NTSR1: variants seen among roughly 807,000 people sequenced by gnomAD.
NTSR1 encodes the protein neurotensin receptor type 1.
A neutral mutation model predicts 31.2 loss-of-function variants in NTSR1; 29 were observed. The ratio of observed to expected loss-of-function variants is 0.93; its 90% confidence interval spans 0.69 to 1.27. NTSR1 has a LOEUF of 1.27. Among genes scored for constraint, NTSR1 ranks in the 50% most tolerant of loss-of-function variants. The pLI is 0.00. For synonymous variants in NTSR1, 282 were observed against 269.9 expected (o/e 1.04, Z -0.44); for missense variants, 697 against 595.4 (o/e 1.17, Z -1.78).
rs567269921 is a variant in NTSR1 at position 62,744,784 on chromosome 20, G to A, written c.715-9901G>A. Among the ~76,000 whole-genome samples the A allele has an allele frequency of 6.6e-5, 10 of 151,396 alleles. No homozygotes were observed. In the South Asian group the frequency reaches 2.1e-3, roughly 32 times the overall value. On this transcript the variant is annotated intron_variant, in intron 1 of 3. Coordinates refer to ENST00000370501, the MANE Select transcript of NTSR1 (RefSeq NM_002531.3). The surrounding 1 kb of genome is among the most constrained non-coding windows in gnomAD (Gnocchi z 4.1). ...CCCAGGAGGACCTGCCGAGCTCACA[G>A]CTGGCCAGGGAACAAGCCAGGCCCC...
intron 1 of NTSR1, among the ~76,000 whole-genome samples, chr20:62,728,743 G>A (rs969366062): frequency 2.0e-5 from 3 of 152,122 alleles, no homozygotes; most frequent in East Asian, 1.9e-4. Context: ...CAGGTTTCAC[G>A]GCAGCCACTT....
intron 1 of NTSR1, among the ~76,000 whole-genome samples, chr20:62,716,457 A>C (rs1988721491): frequency 1.2e-5 from 1 of 85,966 alleles, no homozygotes; most frequent in Non-Finnish European, 2.6e-5. Flanking sequence ...CTCTGGGGTG[A>C]CGGAAATGTT....
Position 62,758,343 on chromosome 20 carries a change from G to A in NTSR1, c.994G>A (p.Glu332Lys), listed in dbSNP as rs753277036. ...RRLMFCYISD[E>K]QWTPFLYDFY... ...CCTCATGTTCTGCTACATCTCGGAT[G>A]AGCAGTGGACTCCGTGAGTACCGGG... Residue 332 changes from glutamate (E) to lysine (K), a missense_variant, in exon 3 of 4, where the codon GAG becomes AAG. Physicochemically the swap from Glu to Lys is moderately conservative, Grantham distance 56. Coordinates refer to ENST00000370501, the MANE Select transcript of NTSR1 (RefSeq NM_002531.3). The surrounding 1 kb of genome is among the most constrained non-coding windows in gnomAD (Gnocchi z 4.5). 2.9e-5 allele frequency: 47 copies of A among 1,613,340 alleles called. No individual in the cohort carries two copies. Among genetic ancestry groups the A allele is most frequent in the Non-Finnish European group, 3.7e-5 (44 of 1,179,714 alleles).
intron 1 of NTSR1, among the ~76,000 whole-genome samples, chr20:62,725,852 A>T (rs1210974745): frequency 2.0e-5 from 3 of 151,838 alleles, no homozygotes; most frequent in Non-Finnish European, 2.9e-5. Context: ...AGGGAGGAGG[A>T]GGGAGGCTAG....
In NTSR1 at chr20:62,727,944, C is replaced by T. The variant is rs575432344; in HGVS notation, c.714+18023C>T. On this transcript the variant is annotated intron_variant, in intron 1 of 3. Coordinates refer to ENST00000370501, the MANE Select transcript of NTSR1 (RefSeq NM_002531.3). ...CCAGCACCTGGGGCCTGCACTCACT[C>T]ACCTCCTGTCACAGCAGATGGTGCT... is the stretch of plus-strand genomic sequence containing the variant. Among the ~76,000 whole-genome samples the T allele has an allele frequency of 3.3e-5, 5 of 152,372 alleles. No homozygotes were observed. In the East Asian group the frequency reaches 9.6e-4, roughly 29 times the overall value.
At chr20:62,710,554 C>A (rs887391589) in intron 1 of NTSR1, among the ~76,000 whole-genome samples, 4 of 152,006 alleles carry the variant, frequency 2.6e-5, no homozygotes, top group African/African-American at 9.7e-5. Flanking sequence ...ATGGTGGGGA[C>A]GATGTTTCTG....
chr20:62,736,062 T>C (rs6122142), intron 1 of NTSR1, among the ~76,000 whole-genome samples: 66,569 of 152,226 alleles, frequency 0.44, 16,821 homozygotes, highest in South Asian at 0.66. Context: ...GAAATCAGTA[T>C]GTGGTGATCA....
chr20:62,720,281 CAG>C (rs1319702759), intron 1 of NTSR1, among the ~76,000 whole-genome samples: 1 of 152,182 alleles, frequency 6.6e-6, no homozygotes, highest in Non-Finnish European at 1.5e-5. Flanking sequence ...GCCTAGGTGA[CAG>C]AGCGAGACTC....
intron 1 of NTSR1, among the ~76,000 whole-genome samples, chr20:62,726,971 G>A (rs1292227046): frequency 2.0e-5 from 3 of 152,218 alleles, no homozygotes; most frequent in Non-Finnish European, 4.4e-5. Context: ...TCTGGAAACT[G>A]CTTTGTGGAC....
chr20:62,729,258 G>A (rs192309502), intron 1 of NTSR1, among the ~76,000 whole-genome samples: 1 of 152,232 alleles, frequency 6.6e-6, no homozygotes, highest in African/African-American at 2.4e-5. Context: ...AGGGCAGGGT[G>A]GGGAGAGAGT....
intron 1 of NTSR1, among the ~76,000 whole-genome samples, chr20:62,748,616 A>G (rs1989342249): frequency 6.6e-6 from 1 of 152,168 alleles, no homozygotes; most frequent in Non-Finnish European, 1.5e-5. Context: ...CAATAAACCC[A>G]CTTTCGTACA....
chr20:62,723,620 C>CA (rs1461000347), intron 1 of NTSR1, among the ~76,000 whole-genome samples: 2 of 152,182 alleles, frequency 1.3e-5, no homozygotes. Context: ...ATCCCTGGTC[C>CA]AGGGCTCACC....
At position 62,715,738 on chromosome 20, in the gene NTSR1, G is replaced by A. The variant is rs1243668533; in HGVS notation, c.714+5817G>A. ...TGCCTGCAGTTCTGTGGGTACTGAGGGCAGCAAGGGGGTACAGCCACCCTG... is the reference window on the plus strand; with the variant it reads ...TGCCTGCAGTTCTGTGGGTACTGAGAGCAGCAAGGGGGTACAGCCACCCTG... On this transcript the variant is annotated intron_variant, in intron 1 of 3. Coordinates refer to ENST00000370501, the MANE Select transcript of NTSR1 (RefSeq NM_002531.3). This position sits in a 1 kb window ranked among gnomAD's most constrained non-coding sequence, Gnocchi z 4.7. Among the ~76,000 whole-genome samples the A allele has an allele frequency of 2.6e-5, 4 of 152,216 alleles. No homozygotes were observed. The highest frequency in any genetic ancestry group is 6.5e-5 in the Admixed American group (1 of 15,288).
chr20:62,740,435 C>T (rs1343954289), intron 1 of NTSR1, among the ~76,000 whole-genome samples: 9 of 150,462 alleles, frequency 6.0e-5, no homozygotes, highest in South Asian at 4.2e-4. Context: ...ATAGGGTGAG[C>T]GGCAGGCAGA....
chr20:62,750,052 TG>T (rs1989366703), intron 1 of NTSR1, among the ~76,000 whole-genome samples: 1 of 152,178 alleles, frequency 6.6e-6, no homozygotes, highest in Non-Finnish European at 1.5e-5. Flanking sequence ...TCAACCCAGG[TG>T]TCCCTCAGCA....
intron 3 of NTSR1, among the ~76,000 whole-genome samples, chr20:62,759,544 G>A (rs1056675378): frequency 2.0e-5 from 3 of 151,876 alleles, no homozygotes; most frequent in Non-Finnish European, 4.4e-5. Context: ...GGAGGCTGAG[G>A]TGGGTGGATC....
chr20:62,723,354 G>C (rs1988854366), intron 1 of NTSR1, among the ~76,000 whole-genome samples: 1 of 152,134 alleles, frequency 6.6e-6, no homozygotes. Flanking sequence ...GAAGCCCCCG[G>C]CTCCTGCGAG....
rs1406610508 is a variant in NTSR1, at chr20:62,733,154, A to AGTGTGT, written c.715-21530_715-21525dup. On this transcript the variant is annotated intron_variant, in intron 1 of 3. Transcript: ENST00000370501. The surrounding 1 kb of genome is among the most constrained non-coding windows in gnomAD (Gnocchi z 5.2). ...TCTGAGTGAAGTAAATGTCATCGGC[A>AGTGTGT]GTGTGTAGACGTTCTTTCGGAAGAA... is the stretch of plus-strand genomic sequence containing the variant. 7.3e-5 allele frequency: 10 copies of AGTGTGT among 137,700 alleles called. No individual in the cohort carries two copies. The highest frequency in any genetic ancestry group is 1.6e-4 in the Non-Finnish European group (10 of 63,162). The allele number at this position is 137,700 out of a possible 1,614,324, so 8.5% of individuals were successfully genotyped here. A position where few individuals can be genotyped will look rare whatever the true frequency, so the allele number is the denominator to read the frequency against.
intron 1 of NTSR1, among the ~76,000 whole-genome samples, chr20:62,712,046 G>T (rs1028942664): frequency 6.6e-6 from 1 of 152,214 alleles, no homozygotes; most frequent in Non-Finnish European, 1.5e-5. Flanking sequence ...TGATTACAAG[G>T]GTGCTCCTCC....
Sources: gnomAD v4.1 joint callset for allele counts (sites outside exome capture counted in the v4.1 genomes callset) on GRCh38, gnomAD v4.1.1 for gene constraint, Gnocchi (gnomAD v3.1) non-coding constraint, MANE v1.5 for transcripts, NCBI Gene and HGNC (gene_info 2026-07-23, HGNC 2026-07-21) for gene names.